RGN: variants seen among roughly 807,000 people sequenced by gnomAD.
RGN encodes the protein regucalcin, also known as epididymis secretory protein Li 41.
RGN carries 19 observed loss-of-function variants against 20.6 expected under a neutral mutation model. The ratio of observed to expected loss-of-function variants is 0.92; its 90% CI spans 0.64 to 1.35. The LOEUF (loss-of-function observed/expected upper bound fraction) is 1.35, where lower values mean the gene tolerates loss of function less well. Among genes scored for constraint, RGN ranks in the 40% most tolerant of loss-of-function variants. The probability of loss-of-function intolerance (pLI) is 0.00; values close to 1 mark genes in which losing one functional copy is unlikely to be tolerated. For synonymous variants in RGN, 85 were observed against 87.2 expected, an observed-to-expected ratio of 0.97 and a Z score of 0.14; for missense variants, 302 against 232.7, an observed-to-expected ratio of 1.30 and a Z score of -1.94.
chrX:47,087,233 C>T (rs913544039), intron 4 of RGN, among the ~76,000 whole-genome samples: 1 of 111,493 alleles, frequency 9.0e-6, no homozygotes, highest in Admixed American at 9.7e-5. Context: ...CCCACACTGC[C>T]GCCTCACATT....
intron 4 of RGN, among the ~76,000 whole-genome samples, chrX:47,086,585 C>T (rs1333188614): frequency 1.2e-4 from 13 of 109,726 alleles, no homozygotes; most frequent in Admixed American, 9.0e-4. Flanking sequence ...GCTGCAGCCT[C>T]GGAAAAGGCT....
intron 3 of RGN, among the ~76,000 whole-genome samples, chrX:47,083,745 T>C (rs1344264214): frequency 9.0e-6 from 1 of 110,751 alleles, no homozygotes; most frequent in African/African-American, 3.3e-5. Flanking sequence ...ACCCCATCTC[T>C]ACTAAAAATA....
At chrX:47,086,877 T>C (rs1240070298) in intron 4 of RGN, among the ~76,000 whole-genome samples, 1 of 110,384 alleles carries the variant, frequency 9.1e-6, no homozygotes, top group African/African-American at 3.3e-5. Flanking sequence ...TGCCATATGC[T>C]ATTGGTCACA....
At chrX:47,091,487 T>C (rs1931010940) in intron 5 of RGN, among the ~76,000 whole-genome samples, 191 bp from the exon 6 acceptor site, 1 of 111,972 alleles carries the variant, frequency 8.9e-6, no homozygotes, top group Admixed American at 9.6e-5. Context: ...CAGATATGCC[T>C]GTACCCAAAC....
At chrX:47,083,158 G>A (rs1556382217) in intron 3 of RGN, among the ~76,000 whole-genome samples, 1 of 111,344 alleles carries the variant, frequency 9.0e-6, no homozygotes. Context: ...CAACACTTTT[G>A]GGAGGCTGAG....
At chrX:47,090,023 G>T (rs1556386892) in intron 5 of RGN, 32 bp downstream of exon 5, 7 of 1,045,252 alleles carry the variant, frequency 6.7e-6, no homozygotes, top group Non-Finnish European at 9.2e-6. Context: ...TCTCAGTGCT[G>T]CCACTATTGT....
chrX:47,090,859 CA>C (rs1302127332), intron 5 of RGN, among the ~76,000 whole-genome samples: 10 of 54,081 alleles, frequency 1.8e-4, no homozygotes, highest in Admixed American at 1.2e-3. Context: ...GAGACACTGT[CA>C]AAAAAAAAAG....
At chrX:47,081,419 G>A in intron 3 of RGN, 112 bp downstream of exon 3, 1 of 637,509 alleles carries the variant, frequency 1.6e-6, no homozygotes, top group Non-Finnish European at 2.4e-6. Flanking sequence ...CACGCTGTCT[G>A]TCCCCACTCC....
At chrX:47,086,902 G>T (rs1930626882) in intron 4 of RGN, among the ~76,000 whole-genome samples, 2 of 110,889 alleles carry the variant, frequency 1.8e-5, no homozygotes, top group Non-Finnish European at 3.8e-5. Flanking sequence ...CAATGACAGA[G>T]GGAACTATCC....
chrX:47,089,517 A>C (rs1930804289), intron 4 of RGN, among the ~76,000 whole-genome samples: 1 of 39,557 alleles, frequency 2.5e-5, no homozygotes, highest in African/African-American at 9.5e-5. Flanking sequence ...TTATATATAC[A>C]TATTATATAT....
chrX:47,092,892 A>G lies in RGN; in HGVS notation c.850-5A>G. The G allele has an allele frequency of 8.3e-7, 1 of 1,201,823 alleles. No homozygotes were observed. Among genetic ancestry groups the G allele is most frequent in the Non-Finnish European group, 1.1e-6 (1 of 887,147 alleles). On this transcript the variant is annotated splice_region_variant and splice_polypyrimidine_tract_variant and intron_variant, in intron 7 of 7. Coordinates refer to ENST00000397180, the MANE Select transcript of RGN (RefSeq NM_152869.4). ...CCTGAGATTCCCTCTTTTCTTTTTCAACAGATAACTGGTCTGGGGGTCAAA... is the reference window on the plus strand; with the variant it reads ...CCTGAGATTCCCTCTTTTCTTTTTCGACAGATAACTGGTCTGGGGGTCAAA...
chrX:47,081,879 C>G (rs1399868055), intron 3 of RGN, among the ~76,000 whole-genome samples: 1 of 112,129 alleles, frequency 8.9e-6, no homozygotes, highest in Non-Finnish European at 1.9e-5. Context: ...CTGGGGCACT[C>G]TAGTTCCTGT....
chrX:47,089,579 T>TTA (rs1251687681), intron 4 of RGN, among the ~76,000 whole-genome samples, 197 bp from the exon 5 acceptor site: 597 of 44,098 alleles, frequency 0.014, 7 homozygotes, highest in Non-Finnish European at 0.016. Flanking sequence ...TATATATACT[T>TTA]TATATATATA....
intron 5 of RGN, among the ~76,000 whole-genome samples, chrX:47,090,921 AAAGAAAG>A (rs1930941403): frequency 9.7e-5 from 1 of 10,361 alleles, no homozygotes; most frequent in African/African-American, 2.6e-4. Context: ...AGAAGGAAAG[AAAGAAAG>A]AAAGAAAGAA....
At chrX:47,081,514 T>G (rs1254780629) in intron 3 of RGN, among the ~76,000 whole-genome samples, 3 of 60,916 alleles carry the variant, frequency 4.9e-5, no homozygotes, top group Non-Finnish European at 9.7e-5. Flanking sequence ...ACATTCCTAG[T>G]TTTTTTTTGG....
chrX:47,084,920 A>G (rs1401563583), intron 4 of RGN: 2 of 206,090 alleles, frequency 9.7e-6, no homozygotes, highest in African/African-American at 2.9e-5. Flanking sequence ...GTGCCACTGC[A>G]CTCTAACCTG....
chrX:47,082,985 C>T (rs781946161), intron 3 of RGN, among the ~76,000 whole-genome samples: 7 of 111,342 alleles, frequency 6.3e-5, no homozygotes, highest in Non-Finnish European at 1.1e-4. Flanking sequence ...CTCCCATTAT[C>T]TTACACTGAA....
intron 4 of RGN, among the ~76,000 whole-genome samples, chrX:47,086,733 A>AGGAG (rs1930603282): frequency 2.1e-5 from 1 of 47,495 alleles, no homozygotes; most frequent in Non-Finnish European, 4.7e-5. Flanking sequence ...CAGTGATAAC[A>AGGAG]GGAGAGAGAG....
intron 3 of RGN, among the ~76,000 whole-genome samples, chrX:47,081,581 C>T (rs1306060522): frequency 9.2e-6 from 1 of 108,868 alleles, no homozygotes; most frequent in Admixed American, 9.9e-5. Context: ...AGGGTCTCAC[C>T]GTGTTGCCCT....
Sources: allele counts gnomAD v4.1 joint callset (sites outside exome capture counted in the v4.1 genomes callset), GRCh38; gene constraint gnomAD v4.1.1; transcripts MANE v1.5; gene names NCBI Gene and HGNC (gene_info 2026-07-23, HGNC 2026-07-21).